The following EXD3 variants were observed in gnomAD, a reference collection of about 807,000 sequenced individuals.
EXD3 encodes exonuclease mut-7 homolog.
A neutral mutation model predicts 98.0 loss-of-function variants in EXD3; 92 were observed. The observed-to-expected ratio is 0.94, with a 90% CI of 0.79 to 1.12. The LOEUF is 1.12. Among genes scored for constraint, EXD3 ranks in the 50% most tolerant of loss-of-function variants. The probability of loss-of-function intolerance (pLI) is 0.00; values close to 1 mark genes in which losing one functional copy is unlikely to be tolerated. For missense variants in EXD3, 1,222 were observed against 1,191.6 expected (o/e 1.03, Z -0.38); for synonymous variants, 569 against 526.0 (o/e 1.08, Z -1.12).
chr9:137,328,588 GGGAC>G lies in EXD3; in HGVS notation c.1999-4449_1999-4446del, dbSNP rs1832643841. 1.0e-3 allele frequency among the ~76,000 whole-genome samples: 20 copies of G among 19,920 alleles called. 3 individuals carry two copies. The South Asian group carries it at 0.032, about 31-fold the overall frequency. 13.1% of individuals were successfully genotyped at this position (19,920 alleles called of 152,430 possible). ...CAGACTAGTTACACAGGAGCTACAC[GGGAC>G]TACACGGGACTACACGGGGCTACAC... On this transcript the variant is annotated intron_variant, in intron 17 of 21. Coordinates refer to ENST00000340951, the MANE Select transcript of EXD3 (RefSeq NM_017820.5).
chr9:137,348,235 G>A lies in EXD3; in HGVS notation c.1834C>T (p.Pro612Ser), dbSNP rs765955903. ...ASAPAAPRQV[P>S]VAVAVSEGAA... Reference sequence around the variant, plus strand: ...CCCTCAGACACAGCCACAGCCACAGGGACCTGCAGTGAGGCCCTGGTCAGC... The same window carrying A: ...CCCTCAGACACAGCCACAGCCACAGAGACCTGCAGTGAGGCCCTGGTCAGC... Residue 612 changes from proline (P) to serine (S), a missense_variant, in exon 17 of 22, where the codon CCT becomes TCT. By Grantham distance (74) the Pro-to-Ser change is moderately conservative. Coordinates refer to ENST00000340951, the MANE Select transcript of EXD3 (RefSeq NM_017820.5). The A allele has an allele frequency of 2.5e-6, 4 of 1,610,814 alleles. No homozygotes were observed. Among genetic ancestry groups the A allele is most frequent in the South Asian group, 2.2e-5 (2 of 90,858 alleles).
chr9:137,389,093 C>A (rs1170858053), intron 2 of EXD3, among the ~76,000 whole-genome samples: 1 of 152,178 alleles, frequency 6.6e-6, no homozygotes, highest in Non-Finnish European at 1.5e-5. Flanking sequence ...GGCCTTCTGG[C>A]GTCCGGGGGC....
rs140955794 is a variant in EXD3 at position 137,397,858 on chromosome 9, G to C, written c.-47-2454C>G. The stretch of plus-strand genomic sequence containing the variant: ...CTCAGCAAGCGGAGGCAGAAGAGTC[G>C]CTGGAAGCCCAGAGATCAAGGCTGC... On this transcript the variant is annotated intron_variant, in intron 1 of 21. Transcript: ENST00000340951. Among the ~76,000 whole-genome samples the C allele has an allele frequency of 2.2e-3, 342 of 152,268 alleles. 3 individuals are homozygous for C. Among genetic ancestry groups the C allele is most frequent in the African/African-American group, 7.9e-3 (329 of 41,542 alleles).
chr9:137,386,491 G>C (rs879750319), intron 2 of EXD3, among the ~76,000 whole-genome samples: 12 of 151,774 alleles, frequency 7.9e-5, no homozygotes, highest in Non-Finnish European at 1.5e-4. Context: ...ACCGACCTGG[G>C]CCACTCCAGA....
intron 7 of EXD3, among the ~76,000 whole-genome samples, chr9:137,363,132 AAT>A (rs955674230): frequency 6.6e-6 from 1 of 151,936 alleles, no homozygotes; most frequent in African/African-American, 2.4e-5. Context: ...TTAATTCTTT[AAT>A]ATGTTAGTTG....
In EXD3 at chr9:137,307,005, G is replaced by A. The variant is rs1406216183; in HGVS notation, c.2576C>T (p.Ala859Val). 6 of 1,610,872 alleles carry A rather than the reference G, an allele frequency of 3.7e-6. No individual in the cohort carries two copies. The highest frequency in any genetic ancestry group is 3.3e-5 in the South Asian group (3 of 90,974). The change falls in exon 22 of 22, where the codon GCC becomes GTC. Residue 859 changes from alanine to valine, a missense_variant. By Grantham distance (64) the Ala-to-Val change is moderately conservative. Coordinates refer to ENST00000340951, the MANE Select transcript of EXD3 (RefSeq NM_017820.5). ...TGGGCTCGGCTCGCAGGGGCTGGGGGCGCTCTCCAGCATGTCTCGGAAGTG... is the reference window on the plus strand; with the variant it reads ...TGGGCTCGGCTCGCAGGGGCTGGGGACGCTCTCCAGCATGTCTCGGAAGTG... Reference protein sequence around the residue: ...ATHFRDMLESAPSPCEPSPAP... With the variant: ...ATHFRDMLESVPSPCEPSPAP...
At chr9:137,375,892 AC>A (rs1278145815) in intron 3 of EXD3, among the ~76,000 whole-genome samples, 1 of 152,216 alleles carries the variant, frequency 6.6e-6, no homozygotes, top group East Asian at 1.9e-4. Context: ...AGTGACACCC[AC>A]AAGTAGGTTG....
chr9:137,352,996 C>T (rs995118571), intron 10 of EXD3: 45 of 1,388,542 alleles, frequency 3.2e-5, no homozygotes, highest in Non-Finnish European at 3.8e-5. Flanking sequence ...GGTGCTGAGG[C>T]AAAGGCTGTC....
At chr9:137,383,899 G>A (rs1012940469) in intron 2 of EXD3, among the ~76,000 whole-genome samples, 13 of 152,172 alleles carry the variant, frequency 8.5e-5, no homozygotes, top group African/African-American at 2.6e-4. Context: ...AACCAAAGAC[G>A]CTGCCCCACA....
chr9:137,349,091 C>A lies in EXD3; in HGVS notation c.1830+19G>T. ...TCCCCAAGAATGCTGACAAACGGAC[C>A]CTGCGGGGCTTCACCCACCTGCCTG... On this transcript the variant is annotated intron_variant, in intron 16 of 21. Transcript: ENST00000340951. The surrounding 1 kb of genome is among the most constrained non-coding windows in gnomAD (Gnocchi z 7.4). 1.3e-6 allele frequency: 2 copies of A among 1,572,434 alleles called. No individual in the cohort carries two copies. Among genetic ancestry groups the A allele is most frequent in the Non-Finnish European group, 1.7e-6 (2 of 1,165,362 alleles).
At chr9:137,412,796 T>C (rs1362576468) in intron 1 of EXD3, among the ~76,000 whole-genome samples, 1 of 152,232 alleles carries the variant, frequency 6.6e-6, no homozygotes, top group Non-Finnish European at 1.5e-5. Flanking sequence ...TTTAATTTTT[T>C]TGAGACAGGG....
intron 8 of EXD3, among the ~76,000 whole-genome samples, chr9:137,356,054 T>A (rs1247672271): frequency 6.6e-6 from 1 of 152,166 alleles, no homozygotes. Context: ...GAGGAGCTCA[T>A]AGACCCGTTG....
Position 137,356,269 on chromosome 9 carries a change from TG to T in EXD3, c.755del (p.Pro252GlnfsTer105). ...CAGGAATGTGGGGGCTGGACTCACCTGGGGCTACGCCGTACCGCTCCTGCAG... is the reference window on the plus strand; with the variant it reads ...CAGGAATGTGGGGGCTGGACTCACCTGGGCTACGCCGTACCGCTCCTGCAG... ...LRLQERYGVA[P>X]ALCPNAAIQQ... On this transcript the variant is annotated frameshift_variant and splice_region_variant, in exon 8 of 22. Coordinates refer to ENST00000340951, the MANE Select transcript of EXD3 (RefSeq NM_017820.5). LOFTEE classifies it high-confidence loss of function. 6.3e-7 allele frequency: 1 copy of T among 1,596,312 alleles called. No homozygotes were observed.
chr9:137,338,807 G>T (rs983112798), intron 17 of EXD3, among the ~76,000 whole-genome samples: 10 of 150,978 alleles, frequency 6.6e-5, no homozygotes, highest in African/African-American at 2.4e-4. Flanking sequence ...GCAGGAGAAT[G>T]GCGTGAACCC....
chr9:137,336,050 T>C (rs1386338672), intron 17 of EXD3, among the ~76,000 whole-genome samples: 1 of 152,070 alleles, frequency 6.6e-6, no homozygotes, highest in Non-Finnish European at 1.5e-5. Context: ...GAAAACCAAA[T>C]ACTGCATGTT....
chr9:137,415,496 G>T (rs1327036454), intron 1 of EXD3, among the ~76,000 whole-genome samples: 1 of 152,148 alleles, frequency 6.6e-6, no homozygotes, highest in Non-Finnish European at 1.5e-5. Context: ...TCCTGCCCAG[G>T]CTGCGGTTTT....
chr9:137,366,414 GC>G, intron 7 of EXD3, 78 bp downstream of exon 7: 12 of 1,516,070 alleles, frequency 7.9e-6, no homozygotes, highest in Non-Finnish European at 9.8e-6. Context: ...CGCGCCTGCT[GC>G]CCCCCTACAC....
At position 137,351,442 on chromosome 9, in the gene EXD3, G is replaced by C. The variant is rs200551018; in HGVS notation, c.1260C>G (p.Ala420=). 1 of 1,605,116 alleles carries C rather than the reference G, an allele frequency of 6.2e-7. No homozygotes were observed. Among genetic ancestry groups the C allele is most frequent in the East Asian group, 2.2e-5 (1 of 44,462 alleles). Residue 420 remains alanine, a synonymous_variant, in exon 13 of 22, where the codon GCC becomes GCG. Coordinates refer to ENST00000340951, the MANE Select transcript of EXD3 (RefSeq NM_017820.5). ...GRPRPSLLQV[A]VEGHVFLLDV... ...CCAGAAGGAACACGTGGCCCTCCACGGCCACCTGCAGGAGTGACGGCCGAG... is the reference window on the plus strand; with the variant it reads ...CCAGAAGGAACACGTGGCCCTCCACCGCCACCTGCAGGAGTGACGGCCGAG...
chr9:137,395,384 C>G lies in EXD3; in HGVS notation c.-27G>C. 6.2e-7 allele frequency: 1 copy of G among 1,613,234 alleles called. No individual in the cohort carries two copies. The highest frequency in any genetic ancestry group is 8.5e-7 in the Non-Finnish European group (1 of 1,179,790). On this transcript the variant is annotated 5_prime_UTR_variant, in exon 2 of 22. Coordinates refer to ENST00000340951, the MANE Select transcript of EXD3 (RefSeq NM_017820.5). This position sits in a 1 kb window ranked among gnomAD's most constrained non-coding sequence, Gnocchi z 6.5. ...CTCAGGGCCGGGCCGAGGACGCTGG[C>G]AGGCAGCTAGGAACGAGGATCTGCA...
Sources: gnomAD v4.1 joint callset for allele counts (sites outside exome capture counted in the v4.1 genomes callset) on GRCh38, gnomAD v4.1.1 for gene constraint, Gnocchi (gnomAD v3.1) non-coding constraint, MANE v1.5 for transcripts, NCBI Gene and HGNC (gene_info 2026-07-23, HGNC 2026-07-21) for gene names.